RPL31: variants seen among roughly 807,000 people sequenced by gnomAD.
RPL31 encodes ribosomal protein L31.
For synonymous variants in RPL31, 51 were observed against 55.0 expected, an observed-to-expected ratio of 0.93 and a Z score of 0.32; for missense variants, 95 against 164.0, an observed-to-expected ratio of 0.58 and a Z score of 2.30.
chr2:101,003,083 G>A (rs1190972577), intron 2 of RPL31, among the ~76,000 whole-genome samples: 1 of 152,054 alleles, frequency 6.6e-6, no homozygotes, highest in Non-Finnish European at 1.5e-5. Context: ...CCAAACATGC[G>A]TGGTCTATTC....
intron 4 of RPL31, among the ~76,000 whole-genome samples, chr2:101,016,854 CAT>C (rs1478441120): frequency 2.0e-5 from 3 of 151,142 alleles, no homozygotes; most frequent in Non-Finnish European, 4.4e-5. Context: ...TGTTCTCACT[CAT>C]AGATGGGAAT....
In RPL31 at chr2:101,017,989, A is replaced by C. The variant is rs973688638; in HGVS notation, c.347-1009A>C. The C allele has an allele frequency of 9.4e-6, 14 of 1,484,372 alleles. No individual in the cohort carries two copies. In the South Asian group the frequency reaches 1.1e-4, roughly 12 times the overall value. The allele number at this position is 1,484,372 out of a possible 1,614,324, so 92.0% of individuals were successfully genotyped here. A position where few individuals can be genotyped will look rare whatever the true frequency, so the allele number is the denominator to read the frequency against. ...ATTATAGAGGATTCGAACGGTTCCA[A>C]TGCTCGCAATTCTACTTCAAGCATG... On this transcript the variant is annotated intron_variant, in intron 4 of 4. Coordinates refer to the RPL31 transcript ENST00000409028.
At chr2:101,007,401 T>G (rs1293006424), downstream of RPL31, 2 of 170,454 alleles carry the variant, frequency 1.2e-5, no homozygotes, top group Admixed American at 1.2e-4. Context: ...ATTGCACAGA[T>G]AGTGGACTCC....
intron 2 of RPL31, among the ~76,000 whole-genome samples, chr2:101,003,211 T>C (rs1380821561): frequency 6.6e-6 from 1 of 152,212 alleles, no homozygotes; most frequent in Non-Finnish European, 1.5e-5. Context: ...GTAGCTACTT[T>C]GTTGAATTTT....
At chr2:101,005,027 G>A (rs574049378) in intron 3 of RPL31, 52 of 152,462 alleles carry the variant, frequency 3.4e-4, no homozygotes, top group African/African-American at 1.2e-3. Flanking sequence ...TTAGGATTAA[G>A]TGAGATGAAC....
chr2:101,011,286 C>T (rs1401144752), downstream of RPL31: 2 of 755,538 alleles, frequency 2.6e-6, no homozygotes, highest in African/African-American at 3.5e-5. Context: ...AGCAACACCC[C>T]CACTAGGAGC....
chr2:101,006,654 G>A lies in RPL31; in HGVS notation c.*273G>A, dbSNP rs898211229. 6 of 361,928 alleles carry A rather than the reference G, an allele frequency of 1.7e-5. No individual in the cohort carries two copies. The highest frequency in any genetic ancestry group is 1.1e-4 in the African/African-American group (5 of 47,550). The allele number at this position is 361,928 out of a possible 1,614,324, so 22.4% of individuals were successfully genotyped here. A position where few individuals can be genotyped will look rare whatever the true frequency, so the allele number is the denominator to read the frequency against. On this transcript the variant is annotated 3_prime_UTR_variant, in exon 5 of 5. Transcript: ENST00000264258. Reference sequence around the variant, plus strand: ...TACTTGTATGTTTTGCTAATTCTAAGATAAGCATTTTTCCAGAAACCAGGA... The same window carrying A: ...TACTTGTATGTTTTGCTAATTCTAAAATAAGCATTTTTCCAGAAACCAGGA...
chr2:101,002,710 C>A lies in RPL31; in HGVS notation c.9C>A (p.Pro3=). Residue 3 remains proline (P), a synonymous_variant, in exon 2 of 5, where the codon CCC becomes CCA. Transcript: ENST00000264258. Reference sequence around the variant, plus strand: ...TTGTCGCCTGCATTTAGATGGCTCCCGCAAAGAAGGGTGGCGAGAAGAAAA... The same window carrying A: ...TTGTCGCCTGCATTTAGATGGCTCCAGCAAAGAAGGGTGGCGAGAAGAAAA... MA[P]AKKGGEKKKG... 1.2e-6 allele frequency: 2 copies of A among 1,613,888 alleles called. No homozygotes were observed. Among genetic ancestry groups the A allele is most frequent in the Non-Finnish European group, 1.7e-6 (2 of 1,179,818 alleles).
downstream of RPL31, chr2:101,011,100 A>G: frequency 7.0e-7 from 1 of 1,419,592 alleles, no homozygotes; most frequent in Non-Finnish European, 9.8e-7. Context: ...ACTATGTAGG[A>G]GAGAGGAGCA....
At chr2:101,012,087 C>T (rs544872942), downstream of RPL31, among the ~76,000 whole-genome samples, 1 of 152,328 alleles carries the variant, frequency 6.6e-6, no homozygotes, top group African/African-American at 2.4e-5. Flanking sequence ...AAAAATAAAA[C>T]TGTCAGAACC....
downstream of RPL31, chr2:101,008,121 G>A: frequency 6.2e-7 from 1 of 1,613,846 alleles, no homozygotes; most frequent in South Asian, 1.1e-5. Context: ...CACACTCCTG[G>A]GAGCAGCTTC....
Position 101,007,233 on chromosome 2 carries a change from A to G in RPL31, c.*852A>G, listed in dbSNP as rs577502468. On this transcript the variant is annotated 3_prime_UTR_variant, in exon 5 of 5. Transcript: ENST00000264258. ...GGTAAAAGAAAAGGACCAAGTAAAT[A>G]CAAAAAGTTTCTTATTAAAAAACTT... is the stretch of plus-strand genomic sequence containing the variant. The G allele has an allele frequency of 6.6e-6, 1 of 152,512 alleles. No individual in the cohort carries two copies. Among genetic ancestry groups the G allele is most frequent in the South Asian group, 2.1e-4 (1 of 4,826 alleles). The allele number at this position is 152,512 out of a possible 1,614,324, so 9.4% of individuals were successfully genotyped here.
chr2:101,015,361 T>G (rs1321880461), intron 4 of RPL31, among the ~76,000 whole-genome samples: 1 of 152,236 alleles, frequency 6.6e-6, no homozygotes, highest in Non-Finnish European at 1.5e-5. Context: ...AGGACATTAC[T>G]GCACACTGCC....
chr2:101,002,675 C>G, intron 1 of RPL31, 27 bp from the exon 2 acceptor site: 1 of 1,576,722 alleles, frequency 6.3e-7, no homozygotes, highest in African/African-American at 1.3e-5. Flanking sequence ...AAACTCTGCT[C>G]TGAGCCTCCT....
intron 4 of RPL31, among the ~76,000 whole-genome samples, chr2:101,017,593 A>T (rs1026129848): frequency 6.6e-6 from 1 of 152,248 alleles, no homozygotes; most frequent in Non-Finnish European, 1.5e-5. Context: ...TATATTTATC[A>T]GTACCTACCA....
At position 101,007,149 on chromosome 2, in the gene RPL31, A is replaced by C. The variant is rs17662997; in HGVS notation, c.*768A>C. On this transcript the variant is annotated 3_prime_UTR_variant, in exon 5 of 5. Coordinates refer to ENST00000264258, the MANE Select transcript of RPL31 (RefSeq NM_000993.5). ...CCAAAAACCATGGATGGGCAGCAGC[A>C]ACATCTCCAGCTTACCCATTCACTG... 0.048 allele frequency: 7,275 copies of C among 152,394 alleles called. 252 individuals are homozygous for C. The highest frequency in any genetic ancestry group is 0.073 in the Non-Finnish European group (4,969 of 68,120). 9.4% of individuals were successfully genotyped at this position (152,394 alleles called of 1,614,324 possible).
downstream of RPL31, chr2:101,008,422 A>AAACT: frequency 1.5e-6 from 1 of 683,882 alleles, no homozygotes; most frequent in Non-Finnish European, 2.3e-6. Context: ...TTTCCACTCT[A>AAACT]AACTATTAAC....
chr2:101,018,869 C>A lies in RPL31; in HGVS notation c.347-129C>A, dbSNP rs1236961887. The A allele has an allele frequency of 2.1e-5, 25 of 1,201,376 alleles. No homozygotes were observed. The Admixed American group carries it at 5.8e-4, about 28-fold the overall frequency. The allele number at this position is 1,201,376 out of a possible 1,614,324, so 74.4% of individuals were successfully genotyped here. ...AGTCCAATTAGTATAATTAACTAAGCAAAATGGCCAATATCCGTAGGTTTA... is the reference window on the plus strand; with the variant it reads ...AGTCCAATTAGTATAATTAACTAAGAAAAATGGCCAATATCCGTAGGTTTA... On this transcript the variant is annotated intron_variant, in intron 4 of 4. Transcript: ENST00000409028.
rs1032171345 is a variant in RPL31 at position 101,006,998 on chromosome 2, G to T, written c.*617G>T. 3.3e-5 allele frequency: 5 copies of T among 152,214 alleles called. No individual in the cohort carries two copies. The highest frequency in any genetic ancestry group is 7.3e-5 in the Non-Finnish European group (5 of 68,064). The allele number at this position is 152,214 out of a possible 1,614,324, so 9.4% of individuals were successfully genotyped here. A position where few individuals can be genotyped will look rare whatever the true frequency, so the allele number is the denominator to read the frequency against. ...GTATTAATAGTTCAGTCCTAAAGCA[G>T]TGTTGCTGAGATTATGTTTCACCAG... On this transcript the variant is annotated 3_prime_UTR_variant, in exon 5 of 5. Coordinates refer to ENST00000264258, the MANE Select transcript of RPL31 (RefSeq NM_000993.5).
Sources: allele counts gnomAD v4.1 joint callset (sites outside exome capture counted in the v4.1 genomes callset), GRCh38; gene constraint gnomAD v4.1.1; transcripts MANE v1.5; gene names NCBI Gene and HGNC (gene_info 2026-07-23, HGNC 2026-07-21).